The following ZNF436 variants were observed in gnomAD, a reference collection of about 807,000 sequenced individuals.
ZNF436 encodes the protein DNA-binding protein.
A neutral mutation model predicts 41.9 loss-of-function variants in ZNF436; 22 were observed. The ratio of observed to expected loss-of-function variants is 0.53; its 90% CI spans 0.38 to 0.75. The LOEUF (loss-of-function observed/expected upper bound fraction) is 0.75, where lower values mean the gene tolerates loss of function less well. ZNF436 is among the 30% of genes least tolerant of loss of function. The pLI is 0.00. For missense variants in ZNF436, 506 were observed against 587.3 expected, an observed-to-expected ratio of 0.86 and a Z score of 1.43; for synonymous variants, 217 against 197.8, an observed-to-expected ratio of 1.10 and a Z score of -0.82.
intron 2 of ZNF436, 80 bp downstream of exon 2, chr1:23,367,893 C>T (rs1638397073): frequency 5.9e-6 from 9 of 1,528,046 alleles, no homozygotes; most frequent in South Asian, 3.4e-5. Context: ...GGGAATTTCC[C>T]ACAGGGACTT....
intron 1 of ZNF436, 150 bp downstream of exon 1, chr1:23,369,216 G>A: frequency 2.4e-6 from 1 of 425,408 alleles, no homozygotes; most frequent in Non-Finnish European, 4.8e-6. Context: ...CAGAGGGCTT[G>A]TCTGCTACAG....
chr1:23,367,975 G>C lies in ZNF436; in HGVS notation c.31C>G (p.Gln11Glu), dbSNP rs757043664. The C allele has an allele frequency of 6.2e-7, 1 of 1,614,110 alleles. No homozygotes were observed. The highest frequency in any genetic ancestry group is 1.1e-5 in the South Asian group (1 of 91,086). MAATLLMAGS[Q>E]APVTFEDMAM... ...CTGAGAAGCCACCTCCGGCTTACCTGGGACCCAGCCATGAGCAGGGTGGCT... is the reference window on the plus strand; with the variant it reads ...CTGAGAAGCCACCTCCGGCTTACCTCGGACCCAGCCATGAGCAGGGTGGCT... The change falls in exon 2 of 4, where the codon CAG (glutamine) becomes GAG (glutamate). Residue 11 changes from glutamine to glutamate, a missense_variant and splice_region_variant. Gln to Glu is a conservative substitution (Grantham distance 29, BLOSUM62 2). Transcript: ENST00000314011.
At chr1:23,367,440 T>C (rs1332295517) in intron 2 of ZNF436, among the ~76,000 whole-genome samples, 1 of 152,204 alleles carries the variant, frequency 6.6e-6, no homozygotes, top group Non-Finnish European at 1.5e-5. Flanking sequence ...CATCGCTCCA[T>C]ACCTTTACTC....
At chr1:23,366,384 G>A (rs142753823) in intron 3 of ZNF436, among the ~76,000 whole-genome samples, 15 of 119,142 alleles carry the variant, frequency 1.3e-4, no homozygotes, top group African/African-American at 3.9e-4. Flanking sequence ...TCAAAAGACC[G>A]TTCAGCTCAA....
chr1:23,365,583 A>T (rs1217340129), intron 3 of ZNF436, among the ~76,000 whole-genome samples: 1 of 151,536 alleles, frequency 6.6e-6, no homozygotes, highest in African/African-American at 2.4e-5. Context: ...GCGTGGTGGC[A>T]TGCACCTGTA....
Position 23,369,701 on chromosome 1 carries a change from C to T in ZNF436, c.-396G>A, listed in dbSNP as rs1441717616. 2.3e-6 allele frequency: 1 copy of T among 441,222 alleles called. No individual in the cohort carries two copies. The highest frequency in any genetic ancestry group is 4.8e-6 in the Non-Finnish European group (1 of 209,468). The allele number at this position is 441,222 out of a possible 1,614,324, so 27.3% of individuals were successfully genotyped here. On this transcript the variant is annotated 5_prime_UTR_variant, in exon 1 of 4. Coordinates refer to ENST00000314011, the MANE Select transcript of ZNF436 (RefSeq NM_001077195.2). ...TAAGCTGCATTCAGCTGGAGTTCCT[C>T]GGAACGGGAGGACTCGCAGCTCTCC...
intron 3 of ZNF436, among the ~76,000 whole-genome samples, chr1:23,364,606 G>A (rs1473224572): frequency 6.6e-6 from 1 of 152,180 alleles, no homozygotes; most frequent in East Asian, 1.9e-4. Flanking sequence ...AAAAGTGACT[G>A]ACAAATGTCA....
At position 23,363,196 on chromosome 1, in the gene ZNF436, C is replaced by G. The variant is rs377108529; in HGVS notation, c.186G>C (p.Glu62Asp). The change falls in exon 4 of 4, where the codon GAG (glutamate) becomes GAC (aspartate). Residue 62 changes from glutamate (E) to aspartate (D), a missense_variant. Glu to Asp is a conservative substitution (Grantham distance 45). Around this residue, in one of 2 missense-constraint regions of ZNF436, gnomAD observed 228 missense variants for 215.1 expected, o/e 1.06. Coordinates refer to ENST00000314011, the MANE Select transcript of ZNF436 (RefSeq NM_001077195.2). ...SLDFEIRSEN[E>D]VNPKQEISED... is the part of the protein sequence containing the mutation. ...CACTAATCTCTTGCTTGGGATTTAC[C>G]TCGTTCTCACTCCTGATCTCAAAAT... 2 of 1,612,788 alleles carry G rather than the reference C, an allele frequency of 1.2e-6. No individual in the cohort carries two copies. The highest frequency in any genetic ancestry group is 1.7e-6 in the Non-Finnish European group (2 of 1,179,772).
Position 23,363,149 on chromosome 1 carries a change from G to T in ZNF436, c.233C>A (p.Thr78Lys). ...EISEDVQFGT[T>K]SERPAENAEE... ...AGCATTCTCAGCAGGTCTTTCAGAT[G>T]TAGTCCCAAATTGTACATCTTCACT... Residue 78 changes from threonine (T) to lysine (K), a missense_variant, in exon 4 of 4, where the codon ACA becomes AAA. Coordinates refer to ENST00000314011, the MANE Select transcript of ZNF436 (RefSeq NM_001077195.2). 6.2e-7 allele frequency: 1 copy of T among 1,614,124 alleles called. No homozygotes were observed. The highest frequency in any genetic ancestry group is 8.5e-7 in the Non-Finnish European group (1 of 1,180,020).
At chr1:23,366,944 T>G (rs564616989) in intron 3 of ZNF436, 98 bp downstream of exon 3, 8 of 1,378,500 alleles carry the variant, frequency 5.8e-6, no homozygotes, top group Non-Finnish European at 6.9e-6. Flanking sequence ...AATTAAGTGC[T>G]TTAAAAAATC....
intron 1 of ZNF436, chr1:23,368,976 G>T: frequency 6.4e-6 from 1 of 157,384 alleles, no homozygotes; most frequent in East Asian, 1.9e-4. Flanking sequence ...GGCGACTCGG[G>T]AGTGCGGTCG....
Position 23,368,044 on chromosome 1 carries a change from G to GAA in ZNF436, c.-41_-40dup. 1 of 1,613,306 alleles carries GAA rather than the reference G, an allele frequency of 6.2e-7. No homozygotes were observed. The highest frequency in any genetic ancestry group is 8.5e-7 in the Non-Finnish European group (1 of 1,179,506). ...GTTCGCCTCCAGGGAGAGAGAGCAGGAAAAGCAGCTAGCAGACAGCGCTGA... is the reference window on the plus strand; with the variant it reads ...GTTCGCCTCCAGGGAGAGAGAGCAGGAAAAAAGCAGCTAGCAGACAGCGCTGA... On this transcript the variant is annotated 5_prime_UTR_variant, in exon 2 of 4. Transcript: ENST00000314011.
chr1:23,369,221 C>G lies in ZNF436; in HGVS notation c.-61+145G>C, dbSNP rs372237533. 9.3e-6 allele frequency: 4 copies of G among 432,010 alleles called. No individual in the cohort carries two copies. In the Admixed American group the frequency reaches 1.1e-4, roughly 12 times the overall value. 26.8% of individuals were successfully genotyped at this position (432,010 alleles called of 1,614,324 possible). On this transcript the variant is annotated intron_variant, in intron 1 of 3. Coordinates refer to ENST00000314011, the MANE Select transcript of ZNF436 (RefSeq NM_001077195.2). Reference sequence around the variant, plus strand: ...CTTAGCGTCCCAGAGGGCTTGTCTGCTACAGGGGCTCCCAGCGGCCTCCCG... The same window carrying G: ...CTTAGCGTCCCAGAGGGCTTGTCTGGTACAGGGGCTCCCAGCGGCCTCCCG...
At chr1:23,368,365 T>A (rs1638414249) in intron 1 of ZNF436, 1 of 242,478 alleles carries the variant, frequency 4.1e-6, no homozygotes, top group African/African-American at 2.3e-5. Context: ...CTCTGCCATC[T>A]CGAGGCCGGG....
At chr1:23,368,710 C>T (rs542393581) in intron 1 of ZNF436, among the ~76,000 whole-genome samples, 1 of 152,360 alleles carries the variant, frequency 6.6e-6, no homozygotes, top group East Asian at 1.9e-4. Context: ...AGAAGCTTCT[C>T]TTGAGTCGGG....
At position 23,367,277 on chromosome 1, in the gene ZNF436, G is replaced by A. The variant is rs143409377; in HGVS notation, c.34-109C>T. 120 of 1,238,928 alleles carry A rather than the reference G, an allele frequency of 9.7e-5. 1 individual carries two copies. In the East Asian group the frequency reaches 1.3e-3, roughly 13 times the overall value. 76.7% of individuals were successfully genotyped at this position (1,238,928 alleles called of 1,614,324 possible). ...AAATATATTAAATGTGACCTATAGA[G>A]TCCAAATAAGAAATAAACAAGCAAA... On this transcript the variant is annotated intron_variant, in intron 2 of 3. Transcript: ENST00000314011.
Position 23,362,992 on chromosome 1 carries a change from T to C in ZNF436, c.390A>G (p.Glu130=), listed in dbSNP as rs750982730. 1 of 1,614,218 alleles carries C rather than the reference T, an allele frequency of 6.2e-7. No homozygotes were observed. The highest frequency in any genetic ancestry group is 8.5e-7 in the Non-Finnish European group (1 of 1,180,040). The part of the protein sequence containing the change: ...QPVTDLLVHK[E]VHTGIRYHIC... ...TATGATAGCGGATGCCTGTGTGGAC[T>C]TCTTTGTGGACAAGTAGATCAGTGA... Residue 130 remains glutamate (E), a synonymous_variant, in exon 4 of 4, where the codon GAA becomes GAG. Coordinates refer to ENST00000314011, the MANE Select transcript of ZNF436 (RefSeq NM_001077195.2).
Position 23,369,469 on chromosome 1 carries a change from G to T in ZNF436, c.-164C>A, listed in dbSNP as rs1379747193. 1 of 532,402 alleles carries T rather than the reference G, an allele frequency of 1.9e-6. No homozygotes were observed. The highest frequency in any genetic ancestry group is 3.9e-6 in the Non-Finnish European group (1 of 258,166). The allele number at this position is 532,402 out of a possible 1,614,324, so 33.0% of individuals were successfully genotyped here. On this transcript the variant is annotated 5_prime_UTR_variant, in exon 1 of 4. Coordinates refer to ENST00000314011, the MANE Select transcript of ZNF436 (RefSeq NM_001077195.2). Reference sequence around the variant, plus strand: ...TTCTCTCAGACCTGGCGTTCAGGAAGATTCTAGAGAGCACGGGCAGGTCCC... The same window carrying T: ...TTCTCTCAGACCTGGCGTTCAGGAATATTCTAGAGAGCACGGGCAGGTCCC...
chr1:23,368,285 C>T, intron 1 of ZNF436: 1 of 446,506 alleles, frequency 2.2e-6, no homozygotes. Flanking sequence ...CTGGGTCCCT[C>T]CCGCGCCGGG....
Sources: allele counts gnomAD v4.1 joint callset (sites outside exome capture counted in the v4.1 genomes callset), GRCh38; gene constraint gnomAD v4.1.1; regional missense constraint gnomAD v4.1.1; transcripts MANE v1.5; gene names NCBI Gene and HGNC (gene_info 2026-07-23, HGNC 2026-07-21).